ERC2: variants seen among roughly 807,000 people sequenced by gnomAD.
ERC2 encodes the protein ELKS/RAB6-interacting/CAST family member 2, also known as ERC protein 2.
ERC2 carries 42 observed loss-of-function variants against 114.8 expected under a neutral mutation model. That is an observed-to-expected ratio of 0.37 (90% CI 0.29 to 0.47). The LOEUF is 0.47. ERC2 is among the 20% of genes least tolerant of loss of function. The probability of loss-of-function intolerance (pLI) is 0.99; values close to 1 mark genes in which losing one functional copy is unlikely to be tolerated. For synonymous variants in ERC2, 454 were observed against 425.5 expected (o/e 1.07, Z -0.82); for missense variants, 939 against 1,150.7 (o/e 0.82, Z 2.66).
intron 6 of ERC2, among the ~76,000 whole-genome samples, chr3:56,116,015 C>T (rs1373211287): frequency 6.6e-6 from 1 of 152,170 alleles, no homozygotes; most frequent in African/African-American, 2.4e-5. Context: ...TCTTCTTTCC[C>T]TGGGAAACTG....
intron 17 of ERC2, among the ~76,000 whole-genome samples, chr3:55,675,805 T>A (rs2061759079): frequency 6.6e-6 from 1 of 151,806 alleles, no homozygotes; most frequent in African/African-American, 2.4e-5. Context: ...TTTCAAATGT[T>A]ATTAATAATT....
chr3:56,174,520 G>A (rs1405602027), intron 3 of ERC2, among the ~76,000 whole-genome samples: 2 of 152,138 alleles, frequency 1.3e-5, no homozygotes, highest in African/African-American at 4.8e-5. Context: ...GAGTCAACAT[G>A]GGGTAGTTCT....
chr3:56,406,173 G>A (rs2060718981), intron 2 of ERC2, among the ~76,000 whole-genome samples: 4 of 152,246 alleles, frequency 2.6e-5, no homozygotes, highest in South Asian at 4.1e-4. Flanking sequence ...GATTACAGGC[G>A]TAAGCCACTA....
At chr3:55,860,942 C>T (rs529929276) in intron 14 of ERC2, among the ~76,000 whole-genome samples, 146 of 152,230 alleles carry the variant, frequency 9.6e-4, no homozygotes, top group Middle Eastern at 3.4e-3. Flanking sequence ...AGAGACTACA[C>T]GGGTTATTTC....
At chr3:55,738,043 G>A (rs2065749275) in intron 14 of ERC2, among the ~76,000 whole-genome samples, 1 of 152,110 alleles carries the variant, frequency 6.6e-6, no homozygotes. Context: ...ATGGGACTTG[G>A]AGCTAGGAAA....
chr3:55,840,699 T>C (rs1441808148), intron 14 of ERC2, among the ~76,000 whole-genome samples: 2 of 152,102 alleles, frequency 1.3e-5, no homozygotes, highest in Non-Finnish European at 2.9e-5. Flanking sequence ...AGTTATTTTA[T>C]TTAAAATAGC....
intron 3 of ERC2, among the ~76,000 whole-genome samples, chr3:56,209,681 C>A (rs2048944103): frequency 6.6e-6 from 1 of 152,216 alleles, no homozygotes; most frequent in Admixed American, 6.5e-5. Flanking sequence ...AAACAAGGGT[C>A]TGTCTGGGGA....
intron 3 of ERC2, among the ~76,000 whole-genome samples, chr3:56,234,482 A>G (rs969260013): frequency 8.5e-5 from 13 of 152,252 alleles, no homozygotes; most frequent in Non-Finnish European, 1.9e-4. Context: ...ATAAACTATT[A>G]CTAAAGGCAA....
chr3:55,817,471 C>G (rs1446021857), intron 14 of ERC2, among the ~76,000 whole-genome samples: 1 of 152,204 alleles, frequency 6.6e-6, no homozygotes, highest in Non-Finnish European at 1.5e-5. Flanking sequence ...CAGCTCATCA[C>G]GTCTAACCTC....
At chr3:56,002,610 C>T (rs1413404368) in intron 10 of ERC2, among the ~76,000 whole-genome samples, 1 of 152,134 alleles carries the variant, frequency 6.6e-6, no homozygotes, top group East Asian at 1.9e-4. Context: ...AGCCAAATGG[C>T]ATGCCTTTAA....
intron 17 of ERC2, chr3:55,606,909 A>G (rs1255225146): frequency 1.3e-5 from 2 of 152,412 alleles, no homozygotes; most frequent in Admixed American, 6.5e-5. Flanking sequence ...TGGACAGGTG[A>G]TCAATGTACA....
chr3:55,582,557 T>C (rs1420729961), intron 17 of ERC2, among the ~76,000 whole-genome samples: 1 of 152,246 alleles, frequency 6.6e-6, no homozygotes, highest in Non-Finnish European at 1.5e-5. Flanking sequence ...AATGGCTGAA[T>C]TTTGCACAGC....
At chr3:55,661,586 T>C (rs564051047) in intron 17 of ERC2, among the ~76,000 whole-genome samples, 1 of 152,232 alleles carries the variant, frequency 6.6e-6, no homozygotes, top group Non-Finnish European at 1.5e-5. Context: ...TCCGTTTACA[T>C]AATCCAGGAT....
intron 15 of ERC2, among the ~76,000 whole-genome samples, chr3:55,705,205 A>G (rs1168351685): frequency 6.6e-6 from 1 of 152,184 alleles, no homozygotes; most frequent in Non-Finnish European, 1.5e-5. Flanking sequence ...GATCCCCTCC[A>G]GCTGAGGGCA....
intron 4 of ERC2, among the ~76,000 whole-genome samples, chr3:56,150,737 C>A (rs1472106869): frequency 1.3e-5 from 2 of 152,060 alleles, no homozygotes; most frequent in Non-Finnish European, 2.9e-5. Flanking sequence ...ATTTAGATGC[C>A]ATTTCTGGAA....
At chr3:55,613,361 AG>A (rs765633322) in intron 17 of ERC2, among the ~76,000 whole-genome samples, 1 of 152,220 alleles carries the variant, frequency 6.6e-6, no homozygotes, top group Non-Finnish European at 1.5e-5. Flanking sequence ...TGTGACTTTT[AG>A]GGGCACAAAT....
chr3:55,623,031 C>G (rs1340613537), intron 17 of ERC2, among the ~76,000 whole-genome samples: 1 of 152,220 alleles, frequency 6.6e-6, no homozygotes, highest in Non-Finnish European at 1.5e-5. Context: ...GCTTTATCAG[C>G]TGAGCAAAAT....
intron 2 of ERC2, among the ~76,000 whole-genome samples, chr3:56,403,238 T>A (rs1004165968): frequency 6.6e-6 from 1 of 152,252 alleles, no homozygotes; most frequent in Non-Finnish European, 1.5e-5. Context: ...CAGCTATAAC[T>A]GTTTCAAAAC....
intron 13 of ERC2, among the ~76,000 whole-genome samples, chr3:55,892,367 A>G (rs892389404): frequency 3.9e-5 from 6 of 152,274 alleles, no homozygotes; most frequent in African/African-American, 1.2e-4. Context: ...AAAGTAGAAA[A>G]GAAATGTAGC....
Sources: allele counts gnomAD v4.1 joint callset (sites outside exome capture counted in the v4.1 genomes callset), GRCh38; gene constraint gnomAD v4.1.1; transcripts MANE v1.5; gene names NCBI Gene and HGNC (gene_info 2026-07-23, HGNC 2026-07-21).